Variants in FGL2 observed in about 807,000 individuals in gnomAD.
FGL2 encodes the protein fibrinogen like 2.
FGL2 carries 21 observed loss-of-function variants against 36.0 expected under a neutral mutation model. The observed-to-expected ratio is 0.58, with a 90% CI of 0.41 to 0.84. FGL2 has a LOEUF of 0.84. FGL2 is among the 40% of genes least tolerant of loss of function. The probability of loss-of-function intolerance (pLI) is 0.00; values close to 1 mark genes in which losing one functional copy is unlikely to be tolerated. For synonymous variants in FGL2, 183 were observed against 190.7 expected (o/e 0.96, Z 0.33); for missense variants, 444 against 526.3 (o/e 0.84, Z 1.53).
At chr7:77,198,371 A>G in intron 1 of FGL2, 1 of 962,390 alleles carries the variant, frequency 1.0e-6, no homozygotes, top group Non-Finnish European at 1.2e-6. Flanking sequence ...GACAGTCAGC[A>G]ACAGTGGTCC....
Position 77,199,359 on chromosome 7 carries a change from C to A in FGL2, c.435G>T (p.Lys145Asn), listed in dbSNP as rs749177820. 1.2e-6 allele frequency: 2 copies of A among 1,614,114 alleles called. No homozygotes were observed. ...GTACATTGATCTCCTCTTTGGCATTCTTTAGCTCAGAGGACAGCTTGTTAA... is the reference window on the plus strand; with the variant it reads ...GTACATTGATCTCCTCTTTGGCATTATTTAGCTCAGAGGACAGCTTGTTAA... ...SEVNKLSSEL[K>N]NAKEEINVLH... Residue 145 changes from lysine to asparagine, a missense_variant, in exon 1 of 2, where the codon AAG (lysine) becomes AAT (asparagine). Transcript: ENST00000248598.
rs940195530 is a variant in FGL2, at chr7:77,197,093, A to G, written c.614-108T>C. 15 of 705,944 alleles carry G rather than the reference A, an allele frequency of 2.1e-5. No individual in the cohort carries two copies. The African/African-American group carries it at 2.1e-4, about 10-fold the overall frequency. 43.7% of individuals were successfully genotyped at this position (705,944 alleles called of 1,614,324 possible). The stretch of plus-strand genomic sequence containing the variant: ...GTTTGATAATTGAATCAATGGCAGT[A>G]ATGAAACTTTACTAAACTTACTTGA... On this transcript the variant is annotated intron_variant, in intron 1 of 1. Transcript: ENST00000248598.
chr7:77,199,677 G>T lies in FGL2; in HGVS notation c.117C>A (p.Cys39Ter). The change falls in exon 1 of 2, where the codon TGC (cysteine) becomes TGA (stop). Residue 39 changes from cysteine (C) to a stop codon, truncating the protein, a stop_gained. Coordinates refer to ENST00000248598, the MANE Select transcript of FGL2 (RefSeq NM_006682.3). LOFTEE classifies it high-confidence loss of function. Reference sequence around the variant, plus strand: ...TCCCTCTGCTTTCTAGTCTCACTGGGCAGACATCCTTTGCTCTTTCATCTT... The same window carrying T: ...TCCCTCTGCTTTCTAGTCTCACTGGTCAGACATCCTTTGCTCTTTCATCTT... ...EIKDERAKDVCPVRLESRGKC... is the reference protein window; with the variant it reads ...EIKDERAKDV The T allele has an allele frequency of 6.2e-7, 1 of 1,614,138 alleles. No homozygotes were observed. The highest frequency in any genetic ancestry group is 8.5e-7 in the Non-Finnish European group (1 of 1,180,016).
chr7:77,198,041 A>G, intron 1 of FGL2: 1 of 742,418 alleles, frequency 1.3e-6, no homozygotes, highest in Non-Finnish European at 1.6e-6. Context: ...CAAAATGTTT[A>G]GGAGAAAAAT....
chr7:77,199,585 T>G lies in FGL2; in HGVS notation c.209A>C (p.Lys70Thr). ...SLPPLTIQLP[K>T]QFSRIEEVFK... ...CACCTCCTCGATCCTGCTGAATTGCTTCGGGAGCTGAATAGTCAAGGGGGG... is the reference window on the plus strand; with the variant it reads ...CACCTCCTCGATCCTGCTGAATTGCGTCGGGAGCTGAATAGTCAAGGGGGG... Residue 70 changes from lysine to threonine, a missense_variant, in exon 1 of 2, where the codon AAG becomes ACG. Coordinates refer to ENST00000248598, the MANE Select transcript of FGL2 (RefSeq NM_006682.3). The G allele has an allele frequency of 6.2e-7, 1 of 1,614,164 alleles. No individual in the cohort carries two copies. The highest frequency in any genetic ancestry group is 8.5e-7 in the Non-Finnish European group (1 of 1,180,006).
intron 1 of FGL2, among the ~76,000 whole-genome samples, chr7:77,197,756 T>C (rs1029395090): frequency 6.6e-6 from 1 of 152,220 alleles, no homozygotes; most frequent in Non-Finnish European, 1.5e-5. Flanking sequence ...TCTTTTTCAA[T>C]GACACACCAA....
At chr7:77,197,417 T>C (rs1791895068) in intron 1 of FGL2, among the ~76,000 whole-genome samples, 1 of 152,226 alleles carries the variant, frequency 6.6e-6, no homozygotes, top group Non-Finnish European at 1.5e-5. Flanking sequence ...GATCAGTGGC[T>C]TGCCCACCTT....
At position 77,194,829 on chromosome 7, in the gene FGL2, C is replaced by T. The variant is rs914648856; in HGVS notation, c.*1450G>A. On this transcript the variant is annotated 3_prime_UTR_variant, in exon 2 of 2. Coordinates refer to ENST00000248598, the MANE Select transcript of FGL2 (RefSeq NM_006682.3). Reference sequence around the variant, plus strand: ...TTCTCTCTGAGATGATCCCTTTTTACGATGATGAAATTAAACACATTTAAA... The same window carrying T: ...TTCTCTCTGAGATGATCCCTTTTTATGATGATGAAATTAAACACATTTAAA... 2 of 152,052 alleles carry T rather than the reference C, an allele frequency of 1.3e-5. No individual in the cohort carries two copies. Among genetic ancestry groups the T allele is most frequent in the African/African-American group, 4.8e-5 (2 of 41,478 alleles). 9.4% of individuals were successfully genotyped at this position (152,052 alleles called of 1,614,324 possible).
rs769386251 is a variant in FGL2 at position 77,196,347 on chromosome 7, G to A, written c.1252C>T (p.Pro418Ser). 4.3e-6 allele frequency: 7 copies of A among 1,614,040 alleles called. No individual in the cohort carries two copies. The highest frequency in any genetic ancestry group is 5.9e-6 in the Non-Finnish European group (7 of 1,180,010). The change falls in exon 2 of 2, where the codon CCT (proline) becomes TCT (serine). Residue 418 changes from proline to serine, a missense_variant. Physicochemically the swap from Pro to Ser is moderately conservative, Grantham distance 74 (BLOSUM62 -1). Coordinates refer to ENST00000248598, the MANE Select transcript of FGL2 (RefSeq NM_006682.3). The surrounding 1 kb of genome is among the most constrained non-coding windows in gnomAD (Gnocchi z 4.2). ...TTGAAGGAGGACTTGTAGCCACCAG[G>A]GTGTGCCTCACTTACACCAGGCCAG... ...GTWPGVSEAH[P>S]GGYKSSFKEA...
chr7:77,199,676 G>A lies in FGL2; in HGVS notation c.118C>T (p.Pro40Ser). 1.2e-6 allele frequency: 2 copies of A among 1,614,144 alleles called. No homozygotes were observed. Among genetic ancestry groups the A allele is most frequent in the South Asian group, 1.1e-5 (1 of 91,082 alleles). Residue 40 changes from proline (P) to serine (S), a missense_variant, in exon 1 of 2, where the codon CCA becomes TCA. Coordinates refer to ENST00000248598, the MANE Select transcript of FGL2 (RefSeq NM_006682.3). ...IKDERAKDVC[P>S]VRLESRGKCE... is the part of the protein sequence containing the mutation. The stretch of plus-strand genomic sequence containing the variant: ...TTCCCTCTGCTTTCTAGTCTCACTG[G>A]GCAGACATCCTTTGCTCTTTCATCT...
intron 1 of FGL2, among the ~76,000 whole-genome samples, chr7:77,197,410 C>G (rs911471910): frequency 6.6e-6 from 1 of 152,240 alleles, no homozygotes; most frequent in African/African-American, 2.4e-5. Context: ...GCATAAAGAT[C>G]AGTGGCTTGC....
At chr7:77,197,992 C>T (rs1009628019) in intron 1 of FGL2, 1 of 279,724 alleles carries the variant, frequency 3.6e-6, no homozygotes, top group African/African-American at 2.3e-5. Context: ...AAAATCTATT[C>T]CTGTATATTT....
intron 1 of FGL2, 29 bp downstream of exon 1, chr7:77,199,152 A>T (rs762561756): frequency 6.3e-7 from 1 of 1,579,720 alleles, no homozygotes; most frequent in South Asian, 1.2e-5. Flanking sequence ...ATTTATGAAC[A>T]TATGATAAGA....
intron 1 of FGL2, 69 bp from the exon 2 acceptor site, chr7:77,197,054 T>C: frequency 2.1e-6 from 2 of 953,024 alleles, no homozygotes; most frequent in Non-Finnish European, 3.2e-6. Context: ...GAATTCTTTA[T>C]ATGTACAAAA....
Position 77,196,448 on chromosome 7 carries a change from C to T in FGL2, c.1151G>A (p.Cys384Tyr). ...YYSSGWWFDA[C>Y]LSANLNGKYY... ...TTTGCCATTTAAGTTTGCAGAAAGA[C>T]ATGCATCAAACCACCAGCCTGAACT... The change falls in exon 2 of 2, where the codon TGT becomes TAT. Residue 384 changes from cysteine to tyrosine, a missense_variant. Coordinates refer to ENST00000248598, the MANE Select transcript of FGL2 (RefSeq NM_006682.3). This position sits in a 1 kb window ranked among gnomAD's most constrained non-coding sequence, Gnocchi z 4.2. 1.2e-6 allele frequency: 2 copies of T among 1,614,174 alleles called. No homozygotes were observed. Among genetic ancestry groups the T allele is most frequent in the Non-Finnish European group, 1.7e-6 (2 of 1,180,030 alleles).
In FGL2 at chr7:77,196,933, T is replaced by G. The variant is rs147689299; in HGVS notation, c.666A>C (p.Arg222Ser). The G allele has an allele frequency of 1.2e-6, 2 of 1,613,668 alleles. No individual in the cohort carries two copies. Among genetic ancestry groups the G allele is most frequent in the Non-Finnish European group, 1.7e-6 (2 of 1,179,870 alleles). The change falls in exon 2 of 2, where the codon AGA becomes AGC. Residue 222 changes from arginine (R) to serine (S), a missense_variant. Physicochemically the swap from Arg to Ser is moderately radical, Grantham distance 110. Coordinates refer to ENST00000248598, the MANE Select transcript of FGL2 (RefSeq NM_006682.3). This position sits in a 1 kb window ranked among gnomAD's most constrained non-coding sequence, Gnocchi z 4.2. ...GTGTAACTCTGTAGGTCTCACTGCT[T>G]CTTTTGCCTATTGCGTAGTAGTCAG... is the stretch of plus-strand genomic sequence containing the variant. Reference protein sequence around the residue: ...DCSDYYAIGKRSSETYRVTPD... With the variant: ...DCSDYYAIGKSSSETYRVTPD...
chr7:77,199,730 C>A lies in FGL2; in HGVS notation c.64G>T (p.Val22Leu), dbSNP rs1791949642. 1 of 1,613,986 alleles carries A rather than the reference C, an allele frequency of 6.2e-7. No homozygotes were observed. The highest frequency in any genetic ancestry group is 1.3e-5 in the African/African-American group (1 of 74,922). Residue 22 changes from valine (V) to leucine (L), a missense_variant, in exon 1 of 2, where the codon GTG becomes TTG. Val to Leu is a conservative substitution (Grantham distance 32). Coordinates refer to ENST00000248598, the MANE Select transcript of FGL2 (RefSeq NM_006682.3). ...ATTTCCTCTGTTTCATTGTTTGCCACAACCAAAAAACCGTAAGTGGCAAGA... is the reference window on the plus strand; with the variant it reads ...ATTTCCTCTGTTTCATTGTTTGCCAAAACCAAAAAACCGTAAGTGGCAAGA... ...AVLATYGFLV[V>L]ANNETEEIKD...
Position 77,199,521 on chromosome 7 carries a change from A to G in FGL2, c.273T>C (p.Ser91=), listed in dbSNP as rs750567949. The G allele has an allele frequency of 1.2e-6, 2 of 1,614,044 alleles. No individual in the cohort carries two copies. Among genetic ancestry groups the G allele is most frequent in the South Asian group, 2.2e-5 (2 of 91,070 alleles). ...EVQNLKEIVN[S]LKKSCQDCKL... ...TGCAGTCTTGGCAAGATTTCTTTAGACTATTTACGATTTCCTTGAGGTTTT... is the reference window on the plus strand; with the variant it reads ...TGCAGTCTTGGCAAGATTTCTTTAGGCTATTTACGATTTCCTTGAGGTTTT... Residue 91 remains serine, a synonymous_variant, in exon 1 of 2, where the codon AGT becomes AGC. Coordinates refer to ENST00000248598, the MANE Select transcript of FGL2 (RefSeq NM_006682.3).
chr7:77,199,471 T>G lies in FGL2; in HGVS notation c.323A>C (p.Asp108Ala). 7 of 1,614,088 alleles carry G rather than the reference T, an allele frequency of 4.3e-6. No homozygotes were observed. The highest frequency in any genetic ancestry group is 5.9e-6 in the Non-Finnish European group (7 of 1,180,012). ...DCKLQADDNG[D>A]PGRNGLLLPS... ...TAACAACAGTCCGTTTCTGCCTGGG[T>G]CTCCGTTGTCATCAGCCTGCAGCTT... is the stretch of plus-strand genomic sequence containing the variant. Residue 108 changes from aspartate to alanine, a missense_variant, in exon 1 of 2, where the codon GAC (aspartate) becomes GCC (alanine). Coordinates refer to ENST00000248598, the MANE Select transcript of FGL2 (RefSeq NM_006682.3).
Sources: allele counts gnomAD v4.1 joint callset (sites outside exome capture counted in the v4.1 genomes callset), GRCh38; gene constraint gnomAD v4.1.1; non-coding constraint Gnocchi (gnomAD v3.1); transcripts MANE v1.5; gene names NCBI Gene and HGNC (gene_info 2026-07-23, HGNC 2026-07-21).